RANBP17: variants seen among roughly 807,000 people sequenced by gnomAD.
RANBP17 encodes the protein ran-binding protein 17.
Under a neutral mutation model 141.2 loss-of-function variants are expected in RANBP17, and 158 were observed. That is an observed-to-expected ratio of 1.12 (90% CI 0.98 to 1.28). The LOEUF (loss-of-function observed/expected upper bound fraction) is 1.28. Ranked by LOEUF, RANBP17 falls within the 50% of genes most tolerant of loss-of-function variation. The pLI is 0.00. For synonymous variants in RANBP17, 430 were observed against 450.0 expected (o/e 0.96, Z 0.56); for missense variants, 1,438 against 1,290.7 (o/e 1.11, Z -1.75).
intron 25 of RANBP17, among the ~76,000 whole-genome samples, chr5:171,278,431 A>T (rs1400200527): frequency 6.6e-6 from 1 of 152,112 alleles, no homozygotes; most frequent in African/African-American, 2.4e-5. Flanking sequence ...AGGCAGGAGA[A>T]TTGCTTGAAC....
At chr5:171,102,602 G>T (rs245771) in intron 14 of RANBP17, among the ~76,000 whole-genome samples, 90,999 of 151,226 alleles carry the variant, frequency 0.6, 28,878 homozygotes, top group South Asian at 0.87. Context: ...CTATCAATTC[G>T]TCAAACTAAT....
intron 14 of RANBP17, among the ~76,000 whole-genome samples, chr5:171,169,835 C>T (rs1352187753): frequency 6.6e-6 from 1 of 150,632 alleles, no homozygotes; most frequent in African/African-American, 2.4e-5. Context: ...AAGGGGTGGT[C>T]TACCACTTTG....
chr5:171,190,145 C>T (rs1169246768), intron 18 of RANBP17, among the ~76,000 whole-genome samples: 1 of 152,008 alleles, frequency 6.6e-6, no homozygotes, highest in Non-Finnish European at 1.5e-5. Context: ...TTGAAAATGT[C>T]TTGTGTATAA....
At chr5:171,296,281 T>C (rs534681095) in intron 27 of RANBP17, among the ~76,000 whole-genome samples, 6 of 152,158 alleles carry the variant, frequency 3.9e-5, no homozygotes, top group Non-Finnish European at 8.8e-5. Context: ...AGGAGAGATA[T>C]GAAAAAATAA....
intron 1 of RANBP17, among the ~76,000 whole-genome samples, chr5:170,864,561 C>G (rs1001326766): frequency 6.6e-6 from 1 of 152,106 alleles, no homozygotes; most frequent in African/African-American, 2.4e-5. Context: ...ATTAATGGGT[C>G]TGGATTCCCT....
At position 170,985,558 on chromosome 5, in the gene RANBP17, A is replaced by G. The variant is rs148677212; in HGVS notation, c.1710+17181A>G. Among the ~76,000 whole-genome samples the G allele has an allele frequency of 6.3e-3, 956 of 152,246 alleles. 11 individuals are homozygous for G. Among genetic ancestry groups the G allele is most frequent in the Non-Finnish European group, 9.5e-3 (649 of 68,008 alleles). ...ATTCCTTGTTTTGATATCCTATTCA[A>G]TCTTTCACCACCAAAGGGTGAAATC... On this transcript the variant is annotated intron_variant, in intron 14 of 27. Transcript: ENST00000523189.
chr5:171,196,085 A>G (rs1029693950), intron 18 of RANBP17, among the ~76,000 whole-genome samples: 2 of 152,208 alleles, frequency 1.3e-5, no homozygotes, highest in Non-Finnish European at 2.9e-5. Context: ...CTAATAGGAT[A>G]AACAACAAAT....
In RANBP17 at chr5:170,916,362, A is replaced by T. The variant is rs528459171; in HGVS notation, c.835-103A>T. On this transcript the variant is annotated intron_variant, in intron 8 of 27. Coordinates refer to ENST00000523189, the MANE Select transcript of RANBP17 (RefSeq NM_022897.5). ...GCATTATAATGCGTTATATTCTATA[A>T]TGCATTAAAATTAAATTCATTTTAA... 1.1e-5 allele frequency: 8 copies of T among 724,136 alleles called. 2 individuals are homozygous for T. The highest frequency in any genetic ancestry group is 8.6e-5 in the Admixed American group (3 of 34,728). 44.9% of individuals were successfully genotyped at this position (724,136 alleles called of 1,614,324 possible). A position where few individuals can be genotyped will look rare whatever the true frequency, so the allele number is the denominator to read the frequency against.
chr5:171,050,550 T>C (rs1331873246), intron 14 of RANBP17, among the ~76,000 whole-genome samples: 1 of 152,062 alleles, frequency 6.6e-6, no homozygotes, highest in Non-Finnish European at 1.5e-5. Flanking sequence ...CTACAAAAAA[T>C]TCAAAAATTA....
intron 14 of RANBP17, among the ~76,000 whole-genome samples, chr5:171,023,399 A>C (rs1281586254): frequency 6.6e-6 from 1 of 152,240 alleles, no homozygotes; most frequent in Non-Finnish European, 1.5e-5. Flanking sequence ...TTGCCTATTA[A>C]GAAATTGAAC....
At chr5:171,067,130 A>G (rs1784359378) in intron 14 of RANBP17, among the ~76,000 whole-genome samples, 1 of 151,914 alleles carries the variant, frequency 6.6e-6, no homozygotes, top group Non-Finnish European at 1.5e-5. Context: ...TATTTTTTCT[A>G]GTGCCAGTTT....
intron 14 of RANBP17, among the ~76,000 whole-genome samples, chr5:171,138,460 A>G (rs1219553927): frequency 6.6e-6 from 1 of 151,530 alleles, no homozygotes; most frequent in Non-Finnish European, 1.5e-5. Flanking sequence ...ATGGCCTTAG[A>G]TATATGGAGA....
chr5:171,083,755 A>C (rs574793473), intron 14 of RANBP17, among the ~76,000 whole-genome samples: 2 of 152,112 alleles, frequency 1.3e-5, no homozygotes, highest in Non-Finnish European at 2.9e-5. Flanking sequence ...GGTCTTTCCC[A>C]TGCTGTTCTC....
At chr5:171,220,362 G>C (rs150338267) in intron 21 of RANBP17, among the ~76,000 whole-genome samples, 2 of 149,732 alleles carry the variant, frequency 1.3e-5, no homozygotes, top group Non-Finnish European at 3.0e-5. Flanking sequence ...AGACCCACCC[G>C]CCTTCTGCAT....
At chr5:171,128,616 C>G (rs1044700077) in intron 14 of RANBP17, among the ~76,000 whole-genome samples, 1 of 152,040 alleles carries the variant, frequency 6.6e-6, no homozygotes, top group Non-Finnish European at 1.5e-5. Context: ...CTATAACTAC[C>G]AACAATGTGT....
intron 26 of RANBP17, among the ~76,000 whole-genome samples, chr5:171,295,022 C>A (rs1768730722): frequency 1.3e-5 from 2 of 152,044 alleles, no homozygotes. Flanking sequence ...AGTATAATGC[C>A]TCTGATATAT....
chr5:170,902,407 A>C (rs527834307), intron 5 of RANBP17, among the ~76,000 whole-genome samples: 1 of 152,100 alleles, frequency 6.6e-6, no homozygotes, highest in African/African-American at 2.4e-5. Context: ...TGGTTATTCT[A>C]GTTAGCAATT....
At chr5:170,887,618 A>G (rs1769270131) in intron 3 of RANBP17, among the ~76,000 whole-genome samples, 1 of 149,762 alleles carries the variant, frequency 6.7e-6, no homozygotes, top group African/African-American at 2.6e-5. Flanking sequence ...AATTGACTGT[A>G]TTTATATGGG....
At chr5:171,298,665 C>G in intron 27 of RANBP17, 97 bp from the exon 28 acceptor site, 2 of 820,164 alleles carry the variant, frequency 2.4e-6, no homozygotes, top group Non-Finnish European at 4.0e-6. Flanking sequence ...GGAGGGGGCT[C>G]CCCAAAGTCC....
Sources: gnomAD v4.1 joint callset for allele counts (sites outside exome capture counted in the v4.1 genomes callset) on GRCh38, gnomAD v4.1.1 for gene constraint, MANE v1.5 for transcripts, NCBI Gene and HGNC (gene_info 2026-07-23, HGNC 2026-07-21) for gene names.